Variants in NEMP2 observed in about 807,000 individuals in gnomAD.
The protein encoded by NEMP2 is nuclear envelope integral membrane protein 2.
NEMP2 carries 53 observed loss-of-function variants against 54.2 expected under a neutral mutation model. The ratio of observed to expected loss-of-function variants is 0.98; its 90% CI spans 0.78 to 1.23. The LOEUF is 1.23. NEMP2 is among the 50% of genes most tolerant of loss of function. The pLI, the probability that NEMP2 is intolerant of heterozygous loss-of-function variation, is 0.00. For synonymous variants in NEMP2, 197 were observed against 190.3 expected (o/e 1.04, Z -0.29); for missense variants, 455 against 511.3 (o/e 0.89, Z 1.06).
chr2:190,467,275 G>A, the NEMP2 span, among the ~76,000 whole-genome samples: 36 of 152,110 alleles, frequency 2.4e-4, no homozygotes, highest in African/African-American at 7.5e-4. This position sits in a 1 kb window ranked among gnomAD's most constrained non-coding sequence, Gnocchi z 5.5. Context: ...TGTGGGCCTC[G>A]GCATCTGTAG....
At chr2:190,648,736 C>A in the NEMP2 span, among the ~76,000 whole-genome samples, 1 of 151,178 alleles carries the variant, frequency 6.6e-6, no homozygotes, top group African/African-American at 2.4e-5. Flanking sequence ...GCGGGACTCG[C>A]GGGAGCCGCC....
chr2:190,434,275 A>G, the NEMP2 span, among the ~76,000 whole-genome samples: 1 of 152,138 alleles, frequency 6.6e-6, no homozygotes, highest in Non-Finnish European at 1.5e-5. The surrounding 1 kb of genome is among the most constrained non-coding windows in gnomAD (Gnocchi z 4.3). Context: ...TGTTCATTGG[A>G]ACAACATAAT....
the NEMP2 span, among the ~76,000 whole-genome samples, chr2:190,606,490 T>A: frequency 1.3e-5 from 2 of 152,234 alleles, no homozygotes; most frequent in African/African-American, 4.8e-5. Flanking sequence ...GGCAGGCAGA[T>A]CACCTGAGGT....
chr2:190,537,949 A>AG (rs1264472440), upstream of NEMP2, among the ~76,000 whole-genome samples: 2 of 152,176 alleles, frequency 1.3e-5, no homozygotes, highest in African/African-American at 4.8e-5. Context: ...TCCTCAGCCA[A>AG]GCACATACAA....
At chr2:190,566,258 C>T in the NEMP2 span, among the ~76,000 whole-genome samples, 1 of 152,140 alleles carries the variant, frequency 6.6e-6, no homozygotes, top group Non-Finnish European at 1.5e-5. Flanking sequence ...TATTGTTTCA[C>T]AAAACATTTT....
At chr2:190,498,490 G>T in the NEMP2 span, among the ~76,000 whole-genome samples, 1 of 152,144 alleles carries the variant, frequency 6.6e-6, no homozygotes, top group African/African-American at 2.4e-5. This position sits in a 1 kb window ranked among gnomAD's most constrained non-coding sequence, Gnocchi z 5.9. Flanking sequence ...CAGAAAATTT[G>T]TTGAACTGTT....
rs1425141650 is a variant in NEMP2, at chr2:190,504,740, T to C, written c.*4449A>G. The C allele has an allele frequency of 6.6e-6, 1 of 152,200 alleles. No homozygotes were observed. The highest frequency in any genetic ancestry group is 2.4e-5 in the African/African-American group (1 of 41,442). The allele number at this position is 152,200 out of a possible 1,614,324, so 9.4% of individuals were successfully genotyped here. A position where few individuals can be genotyped will look rare whatever the true frequency, so the allele number is the denominator to read the frequency against. ...ATGCTATTCTTTTAAATTGTAAACT[T>C]ACATTTGAAAAAAGGTCGGATTTTT... On this transcript the variant is annotated 3_prime_UTR_variant, in exon 9 of 9. Transcript: ENST00000409150. The surrounding 1 kb of genome is among the most constrained non-coding windows in gnomAD (Gnocchi z 5.6).
the NEMP2 span, among the ~76,000 whole-genome samples, chr2:190,571,446 G>A: frequency 3.9e-5 from 6 of 152,068 alleles, no homozygotes; most frequent in African/African-American, 1.4e-4. Context: ...TGGAGGCCGA[G>A]GCAGGAGAAT....
chr2:190,618,975 G>T, the NEMP2 span, among the ~76,000 whole-genome samples: 2 of 152,168 alleles, frequency 1.3e-5, no homozygotes, highest in Admixed American at 6.5e-5. Context: ...TGTAATTCTT[G>T]CCCAAAATGC....
chr2:190,425,021 G>C, the NEMP2 span, among the ~76,000 whole-genome samples: 3 of 152,084 alleles, frequency 2.0e-5, no homozygotes, highest in Non-Finnish European at 4.4e-5. The surrounding 1 kb of genome is among the most constrained non-coding windows in gnomAD (Gnocchi z 4.3). Context: ...TTAGCTCTTT[G>C]ATTTCTTTCA....
At chr2:190,463,654 C>T in the NEMP2 span, among the ~76,000 whole-genome samples, 26 of 151,908 alleles carry the variant, frequency 1.7e-4, no homozygotes, top group Admixed American at 5.9e-4. The surrounding 1 kb of genome is among the most constrained non-coding windows in gnomAD (Gnocchi z 4.4). Flanking sequence ...GACTTTGTGT[C>T]TACTAAAAAT....
At chr2:190,500,506 C>T (rs1689976659), downstream of NEMP2, 2 of 369,210 alleles carry the variant, frequency 5.4e-6, no homozygotes, top group Non-Finnish European at 9.8e-6. This position sits in a 1 kb window ranked among gnomAD's most constrained non-coding sequence, Gnocchi z 5.3. Context: ...ATTTCTCTGC[C>T]AGTGCAGTAA....
At chr2:190,558,470 T>TA in the NEMP2 span, among the ~76,000 whole-genome samples, 23 of 152,118 alleles carry the variant, frequency 1.5e-4, no homozygotes, top group Non-Finnish European at 2.8e-4. This position sits in a 1 kb window ranked among gnomAD's most constrained non-coding sequence, Gnocchi z 4.4. Flanking sequence ...TAAAGGATAA[T>TA]AAAAAAAATT....
the NEMP2 span, among the ~76,000 whole-genome samples, chr2:190,562,792 T>C: frequency 0.011 from 1,715 of 152,294 alleles, 39 homozygotes; most frequent in African/African-American, 0.038. This position sits in a 1 kb window ranked among gnomAD's most constrained non-coding sequence, Gnocchi z 5.0. Flanking sequence ...GAAAGAAAAG[T>C]ACCCTTTTCT....
At chr2:190,424,176 G>A in the NEMP2 span, among the ~76,000 whole-genome samples, 3 of 151,058 alleles carry the variant, frequency 2.0e-5, no homozygotes, top group Admixed American at 2.0e-4. The surrounding 1 kb of genome is among the most constrained non-coding windows in gnomAD (Gnocchi z 5.9). Context: ...TATGGATCAT[G>A]GTATCGGTGT....
At chr2:190,631,558 A>G in the NEMP2 span, among the ~76,000 whole-genome samples, 4 of 152,262 alleles carry the variant, frequency 2.6e-5, no homozygotes, top group African/African-American at 9.6e-5. Flanking sequence ...TTAGAATAAG[A>G]CTTATAAAAG....
rs1208450472 is a variant in NEMP2, at chr2:190,523,830, T to C, written c.213+1433A>G. ...GTAGTTTCCTGAAATAACTGGCAAT[T>C]TGTGAGACTATATGGATATAAATAA... is the stretch of plus-strand genomic sequence containing the variant. On this transcript the variant is annotated intron_variant, in intron 2 of 8. Transcript: ENST00000409150. The surrounding 1 kb of genome is among the most constrained non-coding windows in gnomAD (Gnocchi z 5.3). Among the ~76,000 whole-genome samples, 1 of 152,132 alleles carries C rather than the reference T, an allele frequency of 6.6e-6. No homozygotes were observed. The highest frequency in any genetic ancestry group is 6.5e-5 in the Admixed American group (1 of 15,278).
the NEMP2 span, among the ~76,000 whole-genome samples, chr2:190,590,633 A>G: frequency 6.6e-6 from 1 of 152,190 alleles, no homozygotes; most frequent in Non-Finnish European, 1.5e-5. This position sits in a 1 kb window ranked among gnomAD's most constrained non-coding sequence, Gnocchi z 5.1. Flanking sequence ...CTTCCTGAGT[A>G]ATGATTAGGA....
chr2:190,536,627 A>C (rs1691386048), upstream of NEMP2, among the ~76,000 whole-genome samples: 1 of 152,196 alleles, frequency 6.6e-6, no homozygotes, highest in South Asian at 2.1e-4. Flanking sequence ...ACCAGTGACA[A>C]CACCAGTCAA....
Sources: allele counts gnomAD v4.1 joint callset (sites outside exome capture counted in the v4.1 genomes callset), GRCh38; gene constraint gnomAD v4.1.1; non-coding constraint Gnocchi (gnomAD v3.1); transcripts MANE v1.5; gene names NCBI Gene and HGNC (gene_info 2026-07-23, HGNC 2026-07-21).